Variants in PKNOX2 observed in about 807,000 individuals in gnomAD.
PKNOX2 encodes the protein PBX/knotted 1 homeobox 2.
PKNOX2 carries 14 observed loss-of-function variants against 53.1 expected under a neutral mutation model. The observed-to-expected ratio is 0.26, with a 90% confidence interval of 0.17 to 0.41. The LOEUF (loss-of-function observed/expected upper bound fraction) is 0.41. Among genes scored for constraint, PKNOX2 ranks in the 10% least tolerant of loss-of-function variants. PKNOX2 has a pLI of 1.00. For synonymous variants in PKNOX2, 257 were observed against 242.8 expected, an observed-to-expected ratio of 1.06 and a Z score of -0.54; for missense variants, 496 against 602.8, an observed-to-expected ratio of 0.82 and a Z score of 1.85.
At chr11:125,224,037 C>G (rs1746203093) in intron 1 of PKNOX2, among the ~76,000 whole-genome samples, 1 of 152,254 alleles carries the variant, frequency 6.6e-6, no homozygotes, top group South Asian at 2.1e-4. Context: ...CTGCTGCGGC[C>G]TTGCTCACAC....
intron 2 of PKNOX2, among the ~76,000 whole-genome samples, chr11:125,307,209 C>G (rs778333087): frequency 6.6e-6 from 1 of 152,158 alleles, no homozygotes; most frequent in African/African-American, 2.4e-5. Context: ...GACGGATGGA[C>G]AGTTGTCTGA....
At chr11:125,213,083 C>T (rs571742944) in intron 1 of PKNOX2, among the ~76,000 whole-genome samples, 1 of 152,264 alleles carries the variant, frequency 6.6e-6, no homozygotes, top group Admixed American at 6.5e-5. Flanking sequence ...CCTTGGGCCA[C>T]AGGCACTCCT....
intron 2 of PKNOX2, among the ~76,000 whole-genome samples, chr11:125,262,578 C>A (rs905766987): frequency 3.9e-5 from 6 of 151,972 alleles, no homozygotes; most frequent in Non-Finnish European, 7.4e-5. Context: ...GCCCGCTCCA[C>A]CTTTGCCCTG....
chr11:125,324,065 T>C (rs557582652), intron 2 of PKNOX2, among the ~76,000 whole-genome samples: 49 of 152,284 alleles, frequency 3.2e-4, no homozygotes, highest in African/African-American at 1.1e-3. Context: ...TTTTCCTAGA[T>C]TCTTTGTCAA....
chr11:125,323,151 C>T (rs1229197296), intron 2 of PKNOX2, among the ~76,000 whole-genome samples: 1 of 151,764 alleles, frequency 6.6e-6, no homozygotes, highest in Admixed American at 6.6e-5. Context: ...GCTCCCAGTG[C>T]GTTTCCAGCA....
intron 1 of PKNOX2, among the ~76,000 whole-genome samples, chr11:125,224,229 C>T (rs182836951): frequency 1.2e-4 from 19 of 152,362 alleles, no homozygotes; most frequent in South Asian, 2.1e-4. Context: ...GGGAGTCGCC[C>T]GGGCCAGCCC....
At chr11:125,410,714 C>T in intron 8 of PKNOX2, 65 bp from the exon 9 acceptor site, 1 of 1,258,946 alleles carries the variant, frequency 7.9e-7, no homozygotes, top group South Asian at 1.2e-5. Context: ...GAACTGGGAA[C>T]CCTGCTTGCC....
At chr11:125,308,912 A>C (rs542191751) in intron 2 of PKNOX2, among the ~76,000 whole-genome samples, 1 of 152,234 alleles carries the variant, frequency 6.6e-6, no homozygotes, top group South Asian at 2.1e-4. Flanking sequence ...TTAAATATTG[A>C]AGGTAACAGT....
At chr11:125,241,836 C>T (rs767435721) in intron 2 of PKNOX2, among the ~76,000 whole-genome samples, 2 of 152,102 alleles carry the variant, frequency 1.3e-5, no homozygotes, top group African/African-American at 4.8e-5. Flanking sequence ...GCCTGGGTGA[C>T]AGAGCAAGAC....
intron 4 of PKNOX2, among the ~76,000 whole-genome samples, chr11:125,353,748 G>A (rs1004365870): frequency 3.9e-5 from 6 of 152,230 alleles, no homozygotes; most frequent in Non-Finnish European, 7.3e-5. Context: ...TGAAATGTCT[G>A]ATGAGAAGCA....
At chr11:125,351,036 C>A (rs1420263934) in intron 3 of PKNOX2, among the ~76,000 whole-genome samples, 1 of 152,038 alleles carries the variant, frequency 6.6e-6, no homozygotes, top group Non-Finnish European at 1.5e-5. Flanking sequence ...AACAAAGCGC[C>A]GCTGCAGGGG....
At chr11:125,377,787 G>A (rs999787111) in intron 5 of PKNOX2, among the ~76,000 whole-genome samples, 5 of 152,132 alleles carry the variant, frequency 3.3e-5, no homozygotes, top group African/African-American at 1.2e-4. Flanking sequence ...CAACAAAAAC[G>A]CAAAAGAAAA....
chr11:125,401,087 G>A (rs1001257995), intron 7 of PKNOX2, among the ~76,000 whole-genome samples: 1 of 151,886 alleles, frequency 6.6e-6, no homozygotes. Context: ...TGGGTGGGGG[G>A]CAGGGGCAAG....
chr11:125,223,571 GT>G (rs926276210), intron 1 of PKNOX2, among the ~76,000 whole-genome samples: 8 of 152,150 alleles, frequency 5.3e-5, no homozygotes, highest in African/African-American at 1.9e-4. Flanking sequence ...AAGGTACCAG[GT>G]AACTTAGTCT....
intron 1 of PKNOX2, among the ~76,000 whole-genome samples, chr11:125,171,017 G>A (rs1226712209): frequency 7.6e-6 from 1 of 131,782 alleles, no homozygotes; most frequent in East Asian, 2.2e-4. Context: ...GGGCCAGAAA[G>A]CGGCCACAGA....
chr11:125,244,997 G>A (rs1011669570), intron 2 of PKNOX2, among the ~76,000 whole-genome samples: 6 of 152,150 alleles, frequency 3.9e-5, no homozygotes, highest in Non-Finnish European at 7.3e-5. Context: ...CCCCACCTGG[G>A]ACCATGTACC....
chr11:125,211,708 G>C (rs535303431), intron 1 of PKNOX2, among the ~76,000 whole-genome samples: 1 of 152,064 alleles, frequency 6.6e-6, no homozygotes, highest in Non-Finnish European at 1.5e-5. Context: ...GCTCGGGAGA[G>C]AGCTGGTGCC....
chr11:125,399,998 A>G (rs563941569), intron 7 of PKNOX2, among the ~76,000 whole-genome samples: 24 of 152,326 alleles, frequency 1.6e-4, no homozygotes, highest in African/African-American at 5.1e-4. Flanking sequence ...CCCCCTGGAG[A>G]ATCCCGGCAC....
chr11:125,260,968 A>G (rs1944801460), intron 2 of PKNOX2, among the ~76,000 whole-genome samples: 1 of 152,178 alleles, frequency 6.6e-6, no homozygotes, highest in African/African-American at 2.4e-5. Context: ...GCCTCAGGTA[A>G]GCATCTCACC....
Sources: gnomAD v4.1 joint callset for allele counts (sites outside exome capture counted in the v4.1 genomes callset) on GRCh38, gnomAD v4.1.1 for gene constraint, MANE v1.5 for transcripts, NCBI Gene and HGNC (gene_info 2026-07-23, HGNC 2026-07-21) for gene names.